SLC45A3: variants seen among roughly 807,000 people sequenced by gnomAD.
SLC45A3 encodes solute carrier family 45 member 3, also known as prostate cancer associated protein 2.
A neutral mutation model predicts 35.3 loss-of-function variants in SLC45A3; 17 were observed. The observed-to-expected ratio is 0.48, with a 90% CI of 0.33 to 0.72. SLC45A3 has a LOEUF of 0.72. SLC45A3 is among the 30% of genes least tolerant of loss of function. The pLI is 0.02. For missense variants in SLC45A3, 597 were observed against 731.7 expected (o/e 0.82, Z 2.12); for synonymous variants, 288 against 334.3 (o/e 0.86, Z 1.51).
At position 205,659,004 on chromosome 1, in the gene SLC45A3, T is replaced by A. The variant is rs2102401152; in HGVS notation, c.*230A>T. Reference sequence around the variant, plus strand: ...GTATAAGTCCAGACTGAAACCCCCTTGGAAGGCCTCCAGTCAGGCAGCCCT... The same window carrying A: ...GTATAAGTCCAGACTGAAACCCCCTAGGAAGGCCTCCAGTCAGGCAGCCCT... On this transcript the variant is annotated 3_prime_UTR_variant, in exon 5 of 5. Transcript: ENST00000367145. The surrounding 1 kb of genome is among the most constrained non-coding windows in gnomAD (Gnocchi z 5.8). 1.8e-6 allele frequency: 1 copy of A among 551,486 alleles called. No homozygotes were observed. Among genetic ancestry groups the A allele is most frequent in the African/African-American group, 1.9e-5 (1 of 53,288 alleles). The allele number at this position is 551,486 out of a possible 1,614,324, so 34.2% of individuals were successfully genotyped here.
Position 205,663,629 on chromosome 1 carries a change from G to C in SLC45A3, c.173-11C>G. The C allele has an allele frequency of 6.4e-7, 1 of 1,553,696 alleles. No homozygotes were observed. Among genetic ancestry groups the C allele is most frequent in the East Asian group, 2.3e-5 (1 of 44,338 alleles). On this transcript the variant is annotated splice_polypyrimidine_tract_variant and intron_variant, in intron 2 of 4. Coordinates refer to ENST00000367145, the MANE Select transcript of SLC45A3 (RefSeq NM_033102.3). ...GCACTGGACCAATGCCTGCAAGAAGGGAAGTAGTATGAGTCAATGGCTGGG... is the reference window on the plus strand; with the variant it reads ...GCACTGGACCAATGCCTGCAAGAAGCGAAGTAGTATGAGTCAATGGCTGGG...
intron 4 of SLC45A3, among the ~76,000 whole-genome samples, chr1:205,660,656 T>C (rs1429775774): frequency 6.6e-6 from 1 of 152,246 alleles, no homozygotes; most frequent in East Asian, 1.9e-4. Context: ...ACCCCAGGAA[T>C]GTCCGCTGAG....
chr1:205,678,216 C>T (rs1281834231), intron 1 of SLC45A3, among the ~76,000 whole-genome samples: 3 of 152,088 alleles, frequency 2.0e-5, no homozygotes, highest in Admixed American at 2.0e-4. Context: ...ACTTGGGAGG[C>T]TGAGGGAGGA....
intron 1 of SLC45A3, among the ~76,000 whole-genome samples, chr1:205,678,398 T>TA (rs1318397959): frequency 6.6e-6 from 1 of 152,104 alleles, no homozygotes; most frequent in South Asian, 2.1e-4. Flanking sequence ...TGATAGTACT[T>TA]AAAGTCTTCA....
Position 205,658,227 on chromosome 1 carries a change from T to G in SLC45A3, c.*1007A>C, listed in dbSNP as rs1670958203. ...TTCATCAGCCCAGTCCTAGAGAGAG[T>G]AGAGGGGAGTGGAAGTGGGGGGAAC... is the stretch of plus-strand genomic sequence containing the variant. On this transcript the variant is annotated 3_prime_UTR_variant, in exon 5 of 5. Transcript: ENST00000367145. The G allele has an allele frequency of 4.3e-6, 1 of 229,934 alleles. No homozygotes were observed. Among genetic ancestry groups the G allele is most frequent in the East Asian group, 6.1e-5 (1 of 16,436 alleles). The allele number at this position is 229,934 out of a possible 1,614,324, so 14.2% of individuals were successfully genotyped here.
rs1558034034 is a variant in SLC45A3 at position 205,662,749 on chromosome 1, G to A, written c.958+84C>T. ...ACAGAGAAGTCGGGGCCAGGATGGA[G>A]AGGCACCAGCCCAGACACAGCCCCG... On this transcript the variant is annotated intron_variant, in intron 3 of 4. Coordinates refer to ENST00000367145, the MANE Select transcript of SLC45A3 (RefSeq NM_033102.3). The surrounding 1 kb of genome is among the most constrained non-coding windows in gnomAD (Gnocchi z 6.2). 43 of 1,500,520 alleles carry A rather than the reference G, an allele frequency of 2.9e-5. No homozygotes were observed. Among genetic ancestry groups the A allele is most frequent in the Non-Finnish European group, 3.7e-5 (42 of 1,128,038 alleles). 93.0% of individuals were successfully genotyped at this position (1,500,520 alleles called of 1,614,324 possible).
At chr1:205,676,727 G>A (rs887783105) in intron 1 of SLC45A3, among the ~76,000 whole-genome samples, 1 of 152,180 alleles carries the variant, frequency 6.6e-6, no homozygotes, top group African/African-American at 2.4e-5. Flanking sequence ...GATTCAACAG[G>A]AAGTTCTGGC....
At chr1:205,678,348 G>T (rs1301769901) in intron 1 of SLC45A3, among the ~76,000 whole-genome samples, 2 of 152,176 alleles carry the variant, frequency 1.3e-5, no homozygotes, top group Non-Finnish European at 2.9e-5. Flanking sequence ...GACAGTCTGG[G>T]TTTTTATCCA....
At position 205,662,586 on chromosome 1, in the gene SLC45A3, C is replaced by T. The variant is rs1267799439; in HGVS notation, c.958+247G>A. 6.8e-6 allele frequency: 9 copies of T among 1,333,114 alleles called. No homozygotes were observed. Among genetic ancestry groups the T allele is most frequent in the African/African-American group, 1.5e-5 (1 of 67,518 alleles). 82.6% of individuals were successfully genotyped at this position (1,333,114 alleles called of 1,614,324 possible). ...CCTCTAGACTTTGAATAAGCTCCGCCTTTCCTTCTGTCAAACTGGGGCAAC... is the reference window on the plus strand; with the variant it reads ...CCTCTAGACTTTGAATAAGCTCCGCTTTTCCTTCTGTCAAACTGGGGCAAC... On this transcript the variant is annotated intron_variant, in intron 3 of 4. Coordinates refer to ENST00000367145, the MANE Select transcript of SLC45A3 (RefSeq NM_033102.3). The surrounding 1 kb of genome is among the most constrained non-coding windows in gnomAD (Gnocchi z 6.2).
chr1:205,660,467 T>C (rs141125480), intron 4 of SLC45A3, among the ~76,000 whole-genome samples: 2 of 151,880 alleles, frequency 1.3e-5, no homozygotes, highest in Non-Finnish European at 1.5e-5. Flanking sequence ...AAGAGTTGAG[T>C]TGGCTGCATT....
rs56927917 is a variant in SLC45A3, at chr1:205,664,445, T to C, written c.172+40A>G. The C allele has an allele frequency of 0.018, 29,191 of 1,606,190 alleles. 568 individuals carry two copies. Among genetic ancestry groups the C allele is most frequent in the African/African-American group, 0.077 (5,790 of 74,918 alleles). ...CTCCTGTCCCACATGCCAGGTGGCA[T>C]GTATCTGGAACAGGAAGGAAGGAGG... is the stretch of plus-strand genomic sequence containing the variant. On this transcript the variant is annotated intron_variant, in intron 2 of 4. Transcript: ENST00000367145. This position sits in a 1 kb window ranked among gnomAD's most constrained non-coding sequence, Gnocchi z 5.3.
Position 205,658,758 on chromosome 1 carries a change from A to T in SLC45A3, c.*476T>A, listed in dbSNP as rs12565987. On this transcript the variant is annotated 3_prime_UTR_variant, in exon 5 of 5. Transcript: ENST00000367145. ...ACTTTCATATGTTCAAATCCCATGG[A>T]GGAGTGTTTCATCCTAGAAACTCCC... 18,354 of 241,654 alleles carry T rather than the reference A, an allele frequency of 0.076. 826 individuals carry two copies. The highest frequency in any genetic ancestry group is 0.18 in the Middle Eastern group (138 of 786). 15.0% of individuals were successfully genotyped at this position (241,654 alleles called of 1,614,324 possible).
intron 4 of SLC45A3, among the ~76,000 whole-genome samples, chr1:205,661,248 G>A (rs1480568816): frequency 6.6e-6 from 1 of 152,186 alleles, no homozygotes; most frequent in Non-Finnish European, 1.5e-5. Flanking sequence ...GCCCAAGTGA[G>A]TGGGTCAGGT....
At chr1:205,672,776 C>T (rs1671239346) in intron 1 of SLC45A3, among the ~76,000 whole-genome samples, 1 of 152,118 alleles carries the variant, frequency 6.6e-6, no homozygotes, top group African/African-American at 2.4e-5. Flanking sequence ...GACTCAGTTT[C>T]TACACCTGTA....
intron 4 of SLC45A3, 64 bp downstream of exon 4, chr1:205,661,796 AG>A (rs1671028520): frequency 1.3e-6 from 2 of 1,556,644 alleles, no homozygotes; most frequent in Admixed American, 3.7e-5. Flanking sequence ...GTTCTGAGCT[AG>A]TTGGCCTCCC....
chr1:205,662,511 C>G lies in SLC45A3; in HGVS notation c.958+322G>C. The stretch of plus-strand genomic sequence containing the variant: ...AGTCGTTGGGGGAGCAGAGGGCACA[C>G]TGCGGCTGGAACCAGGCAGATCTGA... On this transcript the variant is annotated intron_variant, in intron 3 of 4. Coordinates refer to ENST00000367145, the MANE Select transcript of SLC45A3 (RefSeq NM_033102.3). This position sits in a 1 kb window ranked among gnomAD's most constrained non-coding sequence, Gnocchi z 6.2. 2 of 1,290,316 alleles carry G rather than the reference C, an allele frequency of 1.6e-6. No individual in the cohort carries two copies. The highest frequency in any genetic ancestry group is 2.0e-6 in the Non-Finnish European group (2 of 1,019,920). The allele number at this position is 1,290,316 out of a possible 1,614,324, so 79.9% of individuals were successfully genotyped here. A position where few individuals can be genotyped will look rare whatever the true frequency, so the allele number is the denominator to read the frequency against.
intron 4 of SLC45A3, among the ~76,000 whole-genome samples, chr1:205,660,151 T>G (rs1204247535): frequency 6.6e-6 from 1 of 152,064 alleles, no homozygotes; most frequent in African/African-American, 2.4e-5. Context: ...CATTGCCCGG[T>G]GCAGAGAAGC....
chr1:205,662,772 C>A lies in SLC45A3; in HGVS notation c.958+61G>T. 6.6e-7 allele frequency: 1 copy of A among 1,519,472 alleles called. No homozygotes were observed. Among genetic ancestry groups the A allele is most frequent in the Non-Finnish European group, 8.8e-7 (1 of 1,134,218 alleles). 94.1% of individuals were successfully genotyped at this position (1,519,472 alleles called of 1,614,324 possible). ...GAGAGGCACCAGCCCAGACACAGCC[C>A]CGAGTGTCGTCTCTGGTGGGCGGCT... On this transcript the variant is annotated intron_variant, in intron 3 of 4. Coordinates refer to ENST00000367145, the MANE Select transcript of SLC45A3 (RefSeq NM_033102.3). This position sits in a 1 kb window ranked among gnomAD's most constrained non-coding sequence, Gnocchi z 6.2.
Position 205,659,176 on chromosome 1 carries a change from G to A in SLC45A3, c.*58C>T, listed in dbSNP as rs1460822375. The A allele has an allele frequency of 9.1e-6, 14 of 1,534,032 alleles. No homozygotes were observed. The East Asian group carries it at 3.2e-4, about 35-fold the overall frequency. ...CCCGGCAGCCCCATGGGGCTAACAG[G>A]AGCGGGGAGCTGGGACCCAGTGAGG... On this transcript the variant is annotated 3_prime_UTR_variant, in exon 5 of 5. Coordinates refer to ENST00000367145, the MANE Select transcript of SLC45A3 (RefSeq NM_033102.3). This position sits in a 1 kb window ranked among gnomAD's most constrained non-coding sequence, Gnocchi z 5.8.
Sources: gnomAD v4.1 joint callset for allele counts (sites outside exome capture counted in the v4.1 genomes callset) on GRCh38, gnomAD v4.1.1 for gene constraint, Gnocchi (gnomAD v3.1) non-coding constraint, MANE v1.5 for transcripts, NCBI Gene and HGNC (gene_info 2026-07-23, HGNC 2026-07-21) for gene names.